Variants in LAMA3 observed in about 807,000 individuals in gnomAD.
LAMA3 encodes laminin subunit alpha-3.
Under a neutral mutation model 402.0 loss-of-function variants are expected in LAMA3, and 281 were observed. The ratio of observed to expected loss-of-function variants is 0.70; its 90% CI spans 0.63 to 0.77. The LOEUF (loss-of-function observed/expected upper bound fraction) is 0.77. LAMA3 is among the 30% of genes least tolerant of loss of function. The pLI is 0.00. For synonymous variants in LAMA3, 1,431 were observed against 1,558.4 expected, an observed-to-expected ratio of 0.92 and a Z score of 1.93; for missense variants, 3,840 against 4,215.5, an observed-to-expected ratio of 0.91 and a Z score of 2.47.
rs1162009553 is a variant in LAMA3, at chr18:23,861,689, T to G, written c.4466T>G (p.Val1489Gly). 1 of 1,614,052 alleles carries G rather than the reference T, an allele frequency of 6.2e-7. No individual in the cohort carries two copies. Among genetic ancestry groups the G allele is most frequent in the Admixed American group, 1.7e-5 (1 of 60,004 alleles). ...LGWHLETADRVDIPVSFNPGS... is the reference protein window; with the variant it reads ...LGWHLETADRGDIPVSFNPGS... ...TGGCACCTGGAGACAGCAGACAGAG[T>G]GGACATCCCTGTCTCTTTCAACCCA... Residue 1489 changes from valine (V) to glycine (G), a missense_variant, in exon 35 of 75, where the codon GTG (valine) becomes GGG (glycine). By Grantham distance (109) the Val-to-Gly change is moderately radical. Transcript: ENST00000313654.
intron 17 of LAMA3, among the ~76,000 whole-genome samples, chr18:23,815,991 G>T (rs1410605237): frequency 1.3e-5 from 2 of 152,124 alleles, no homozygotes; most frequent in Non-Finnish European, 2.9e-5. Context: ...CTCGGCCCCT[G>T]GTTATCACAT....
At chr18:23,877,303 T>G (rs560654742) in intron 39 of LAMA3, among the ~76,000 whole-genome samples, 83 of 152,372 alleles carry the variant, frequency 5.4e-4, no homozygotes, top group Non-Finnish European at 1.0e-3. Context: ...TATAAAATTC[T>G]TCTACCTAAA....
intron 12 of LAMA3, among the ~76,000 whole-genome samples, chr18:23,800,845 A>G (rs753884608): frequency 3.3e-5 from 5 of 152,178 alleles, no homozygotes; most frequent in East Asian, 3.9e-4. Flanking sequence ...CCGTGTTGCC[A>G]TAAGTGACAG....
rs552480403 is a variant in LAMA3, at chr18:23,909,999, A to G, written c.7158+704A>G. ...GCCTCAGAATCTGCCCTTTCTTCTA[A>G]GAAAGCAAAGTATTCCCAACATAAA... On this transcript the variant is annotated intron_variant, in intron 55 of 74. Transcript: ENST00000313654. Among the ~76,000 whole-genome samples the G allele has an allele frequency of 6.8e-4, 104 of 152,346 alleles. 5 individuals are homozygous for G. The South Asian group carries it at 0.02, about 30-fold the overall frequency.
chr18:23,849,510 A>G (rs984176933), intron 32 of LAMA3, among the ~76,000 whole-genome samples: 2 of 152,258 alleles, frequency 1.3e-5, no homozygotes, highest in Non-Finnish European at 1.5e-5. Flanking sequence ...ATCGCTGCAA[A>G]TGGAACTTCA....
At chr18:23,698,928 C>A (rs1184444870) in intron 1 of LAMA3, among the ~76,000 whole-genome samples, 1 of 151,918 alleles carries the variant, frequency 6.6e-6, no homozygotes, top group Non-Finnish European at 1.5e-5. Flanking sequence ...AGAGAATAAA[C>A]AGGATTCTGT....
At chr18:23,921,643 C>T (rs867061987) in intron 62 of LAMA3, 58 bp downstream of exon 62, 1 of 1,578,852 alleles carries the variant, frequency 6.3e-7, no homozygotes, top group Non-Finnish European at 8.6e-7. Context: ...ATGATTGTGA[C>T]CAAAAAAAAT....
chr18:23,702,915 G>A (rs2060817463), intron 1 of LAMA3, among the ~76,000 whole-genome samples: 1 of 152,138 alleles, frequency 6.6e-6, no homozygotes, highest in African/African-American at 2.4e-5. Context: ...CTCTATAAAA[G>A]GGTCTGATGC....
At chr18:23,792,133 CTGTTGCCG>C (rs1365782041) in intron 12 of LAMA3, among the ~76,000 whole-genome samples, 1 of 152,146 alleles carries the variant, frequency 6.6e-6, no homozygotes, top group Non-Finnish European at 1.5e-5. Flanking sequence ...ATGGAGGAAA[CTGTTGCCG>C]TGAACTCCTT....
rs2082918687 is a variant in LAMA3, at chr18:23,951,722, A to G, written c.9681A>G (p.Ser3227=). 6.2e-7 allele frequency: 1 copy of G among 1,613,946 alleles called. No homozygotes were observed. ...TGGACAGTGGGGCAGGTGGGACCTC[A>G]ACGTCGGTCACACCAAAGCAGTCTC... is the stretch of plus-strand genomic sequence containing the variant. ...ASMDSGAGGT[S]TSVTPKQSLC... Residue 3227 remains serine (S), a synonymous_variant, in exon 73 of 75, where the codon TCA becomes TCG. Transcript: ENST00000313654.
intron 1 of LAMA3, among the ~76,000 whole-genome samples, chr18:23,692,256 T>C (rs966181596): frequency 6.6e-6 from 1 of 152,208 alleles, no homozygotes; most frequent in Non-Finnish European, 1.5e-5. Context: ...TAGAAAGGTA[T>C]TACGTTTTAA....
rs2062490971 is a variant in LAMA3 at position 23,784,067 on chromosome 18, G to C, written c.1513G>C (p.Ala505Pro). 1 of 1,614,100 alleles carries C rather than the reference G, an allele frequency of 6.2e-7. No individual in the cohort carries two copies. The highest frequency in any genetic ancestry group is 8.5e-7 in the Non-Finnish European group (1 of 1,180,004). ...AGGTGTTCTCCCTGAAATATGTGATGCCCACGGACGGTGCCTGTGCCGCCC... is the reference window on the plus strand; with the variant it reads ...AGGTGTTCTCCCTGAAATATGTGATCCCCACGGACGGTGCCTGTGCCGCCC... The part of the protein sequence containing the change: ...LEGVLPEICD[A>P]HGRCLCRPGV... Residue 505 changes from alanine to proline, a missense_variant, in exon 12 of 75, where the codon GCC (alanine) becomes CCC (proline). Coordinates refer to ENST00000313654, the MANE Select transcript of LAMA3 (RefSeq NM_198129.4).
intron 36 of LAMA3, among the ~76,000 whole-genome samples, chr18:23,866,938 T>G (rs1007489602): frequency 6.6e-6 from 1 of 152,156 alleles, no homozygotes; most frequent in Non-Finnish European, 1.5e-5. Flanking sequence ...ATGTGTGTGT[T>G]TTTGCAGCAG....
In LAMA3 at chr18:23,813,039, T is replaced by C. The variant is rs1350633357; in HGVS notation, c.1742-18T>C. ...AACAAACTACCAGATAATTTAAAAA[T>C]TTCTGAATCATATTCAGGTTCCAGC... On this transcript the variant is annotated intron_variant, in intron 13 of 74. Coordinates refer to ENST00000313654, the MANE Select transcript of LAMA3 (RefSeq NM_198129.4). 1 of 1,583,452 alleles carries C rather than the reference T, an allele frequency of 6.3e-7. No individual in the cohort carries two copies. Among genetic ancestry groups the C allele is most frequent in the South Asian group, 1.1e-5 (1 of 90,302 alleles).
At chr18:23,946,420 G>T in intron 70 of LAMA3, 136 bp downstream of exon 70, 1 of 1,016,258 alleles carries the variant, frequency 9.8e-7, no homozygotes, top group Non-Finnish European at 1.5e-6. Context: ...TCTAATTAAT[G>T]TTCACAACCA....
At chr18:23,715,758 T>C (rs1441132672) in intron 2 of LAMA3, among the ~76,000 whole-genome samples, 2 of 152,212 alleles carry the variant, frequency 1.3e-5, no homozygotes, top group Admixed American at 1.3e-4. Context: ...CTAATATTAA[T>C]GTTTATACTA....
intron 7 of LAMA3, among the ~76,000 whole-genome samples, chr18:23,759,272 G>GC (rs1430970827): frequency 6.7e-6 from 1 of 149,208 alleles, no homozygotes; most frequent in Admixed American, 6.7e-5. Context: ...AAGAGTTGGT[G>GC]CAGTGAGCTC....
intron 6 of LAMA3, among the ~76,000 whole-genome samples, chr18:23,757,596 C>T (rs1407355335): frequency 6.6e-6 from 1 of 151,946 alleles, no homozygotes; most frequent in Non-Finnish European, 1.5e-5. Flanking sequence ...GGAGTGGTGG[C>T]GCGATCTTAG....
rs200644027 is a variant in LAMA3, at chr18:23,904,062, C to G, written c.6448C>G (p.Gln2150Glu). 1 of 1,613,896 alleles carries G rather than the reference C, an allele frequency of 6.2e-7. No individual in the cohort carries two copies. Among genetic ancestry groups the G allele is most frequent in the Non-Finnish European group, 8.5e-7 (1 of 1,180,044 alleles). ...EEAEKHARSL[Q>E]ELAKQLEEIK... ...GGCAGAAAAGCACGCGCGGTCCTTA[C>G]AAGAGCTGGCAAAGCAGCTGGAAGA... Residue 2150 changes from glutamine to glutamate, a missense_variant, in exon 50 of 75, where the codon CAA (glutamine) becomes GAA (glutamate). Gln to Glu is a conservative substitution (Grantham distance 29). Transcript: ENST00000313654.
Sources: gnomAD v4.1 joint callset for allele counts (sites outside exome capture counted in the v4.1 genomes callset) on GRCh38, gnomAD v4.1.1 for gene constraint, MANE v1.5 for transcripts, NCBI Gene and HGNC (gene_info 2026-07-23, HGNC 2026-07-21) for gene names.